The following VAV1 variants were observed in gnomAD, a reference collection of about 807,000 sequenced individuals.
VAV1 encodes vav guanine nucleotide exchange factor 1.
A neutral mutation model predicts 128.1 loss-of-function variants in VAV1; 33 were observed. The observed-to-expected ratio is 0.26, with a 90% CI of 0.20 to 0.34. The LOEUF (loss-of-function observed/expected upper bound fraction) is 0.34. Ranked by LOEUF, VAV1 falls within the 10% of genes least tolerant of loss-of-function variation. The pLI is 1.00. For synonymous variants in VAV1, 394 were observed against 409.8 expected, an observed-to-expected ratio of 0.96 and a Z score of 0.47; for missense variants, 715 against 1,093.7, an observed-to-expected ratio of 0.65 and a Z score of 4.88.
Position 6,826,260 on chromosome 19 carries a change from C to T in VAV1, c.828-352C>T, listed in dbSNP as rs557024284. On this transcript the variant is annotated intron_variant, in intron 8 of 26. Coordinates refer to ENST00000602142, the MANE Select transcript of VAV1 (RefSeq NM_005428.4). The surrounding 1 kb of genome is among the most constrained non-coding windows in gnomAD (Gnocchi z 4.1). ...GGCTGAAGCAGGAGAATCGCTTGAA[C>T]CCGGGAGATGGAGGTTGCACTGAGC... Among the ~76,000 whole-genome samples, 31 of 152,224 alleles carry T rather than the reference C, an allele frequency of 2.0e-4. No homozygotes were observed. The South Asian group carries it at 6.0e-3, about 30-fold the overall frequency.
In VAV1 at chr19:6,822,329, G is replaced by A. The variant is rs1434383608; in HGVS notation, c.558G>A (p.Pro186=). Residue 186 remains proline (P), a splice_region_variant and synonymous_variant, in exon 5 of 27, where the codon CCG becomes CCA. Coordinates refer to ENST00000602142, the MANE Select transcript of VAV1 (RefSeq NM_005428.4). The surrounding 1 kb of genome is among the most constrained non-coding windows in gnomAD (Gnocchi z 5.9). Reference sequence around the variant, plus strand: ...TGCGCTCGGAGCCCGTGTCCATGCCGGTGCGTGACGTGGAGGGTCGGGCCT... The same window carrying A: ...TGCGCTCGGAGCCCGTGTCCATGCCAGTGCGTGACGTGGAGGGTCGGGCCT... ...DLMRSEPVSM[P]PKMTEYDKRC... is the part of the protein sequence containing the mutation. 3.2e-6 allele frequency: 5 copies of A among 1,572,800 alleles called. No homozygotes were observed. The highest frequency in any genetic ancestry group is 1.2e-5 in the South Asian group (1 of 85,710).
chr19:6,804,621 T>C (rs1250746021), intron 1 of VAV1, among the ~76,000 whole-genome samples: 4 of 152,156 alleles, frequency 2.6e-5, no homozygotes, highest in Middle Eastern at 3.4e-3. Flanking sequence ...TTCGCCATGT[T>C]GGCCAGGCTG....
At position 6,829,889 on chromosome 19, in the gene VAV1, G is replaced by C. The variant is rs1972013282; in HGVS notation, c.1369G>C (p.Asp457His). The change falls in exon 14 of 27, where the codon GAC becomes CAC. Residue 457 changes from aspartate to histidine, a missense_variant. By Grantham distance (81) the Asp-to-His change is moderately conservative. Around this residue, in one of 3 missense-constraint regions of VAV1, gnomAD observed 407 missense variants for 580.6 expected, o/e 0.70. Transcript: ENST00000602142. ...VNLHSFQVRDDSSGDRDNKKW... is the reference protein window; with the variant it reads ...VNLHSFQVRDHSSGDRDNKKW... ...CCTGCACAGCTTCCAGGTTCGGGAT[G>C]ACTCTTCAGGAGACCGAGACAACAA... 1.9e-6 allele frequency: 3 copies of C among 1,614,078 alleles called. No individual in the cohort carries two copies. In the African/African-American group the frequency reaches 4.0e-5, roughly 22 times the overall value.
At position 6,820,673 on chromosome 19, in the gene VAV1, C is replaced by T; in HGVS notation, c.205-29C>T. 1 of 1,605,912 alleles carries T rather than the reference C, an allele frequency of 6.2e-7. No homozygotes were observed. The highest frequency in any genetic ancestry group is 8.5e-7 in the Non-Finnish European group (1 of 1,172,692). ...TTTCTCCCCTGCCCTTTCGTACTGC[C>T]CCACCCTCATTTCTCTGTCTCCTCA... On this transcript the variant is annotated intron_variant, in intron 1 of 26. Transcript: ENST00000602142. This position sits in a 1 kb window ranked among gnomAD's most constrained non-coding sequence, Gnocchi z 4.4.
intron 1 of VAV1, among the ~76,000 whole-genome samples, chr19:6,819,510 G>T (rs531917036): frequency 5.3e-5 from 8 of 152,186 alleles, no homozygotes; most frequent in Non-Finnish European, 1.0e-4. Context: ...TGTTTTTAAG[G>T]TTCATCCATG....
chr19:6,802,134 G>C (rs1384684889), intron 1 of VAV1, among the ~76,000 whole-genome samples: 2 of 151,818 alleles, frequency 1.3e-5, no homozygotes, highest in Non-Finnish European at 2.9e-5. Context: ...GGTGGGAATT[G>C]AACAATGAGA....
rs567758626 is a variant in VAV1 at position 6,810,453 on chromosome 19, C to G, written c.205-10249C>G. ...GCACAGTGGTTCATGCCTTTAATCC[C>G]AGCACTTTGAGAGGCAGAGGTGGGT... On this transcript the variant is annotated intron_variant, in intron 1 of 26. Coordinates refer to ENST00000602142, the MANE Select transcript of VAV1 (RefSeq NM_005428.4). Among the ~76,000 whole-genome samples the G allele has an allele frequency of 9.1e-4, 138 of 152,264 alleles. 1 individual carries two copies. The highest frequency in any genetic ancestry group is 3.6e-3 in the Admixed American group (55 of 15,286).
At chr19:6,794,591 G>A (rs1971089827) in intron 1 of VAV1, among the ~76,000 whole-genome samples, 1 of 152,150 alleles carries the variant, frequency 6.6e-6, no homozygotes, top group African/African-American at 2.4e-5. Flanking sequence ...TTCAGAAAGT[G>A]TCATGAATAG....
rs1972225434 is a variant in VAV1 at position 6,836,531 on chromosome 19, A to C, written c.1877A>C (p.Glu626Ala). ...CGGCTCAACCCTGGAGACATTGTGG[A>C]GCTCACGAAGGCTGAGGCTGAACAG... ...FLRLNPGDIV[E>A]LTKAEAEQNW... Residue 626 changes from glutamate to alanine, a missense_variant, in exon 20 of 27, where the codon GAG becomes GCG. By Grantham distance (107) the Glu-to-Ala change is moderately radical. Coordinates refer to ENST00000602142, the MANE Select transcript of VAV1 (RefSeq NM_005428.4). 1 of 1,613,802 alleles carries C rather than the reference A, an allele frequency of 6.2e-7. No individual in the cohort carries two copies. The highest frequency in any genetic ancestry group is 1.1e-5 in the South Asian group (1 of 91,070).
chr19:6,826,340 AAAAT>A lies in VAV1; in HGVS notation c.828-263_828-260del, dbSNP rs1465956459. On this transcript the variant is annotated intron_variant, in intron 8 of 26. Transcript: ENST00000602142. The surrounding 1 kb of genome is among the most constrained non-coding windows in gnomAD (Gnocchi z 4.1). ...GAGACAAGCGTGAAACCCCGTCTCA[AAAAT>A]AAATAAATTAATTAAATTAAATAAA... 1.3e-5 allele frequency among the ~76,000 whole-genome samples: 2 copies of A among 152,218 alleles called. No individual in the cohort carries two copies. The highest frequency in any genetic ancestry group is 4.8e-5 in the African/African-American group (2 of 41,446).
chr19:6,835,618 A>G (rs1972202788), intron 19 of VAV1, among the ~76,000 whole-genome samples: 2 of 152,206 alleles, frequency 1.3e-5, no homozygotes, highest in Admixed American at 1.3e-4. Context: ...TTTTCTATAA[A>G]TAAAATCATA....
intron 1 of VAV1, among the ~76,000 whole-genome samples, chr19:6,779,922 T>A (rs551666697): frequency 1.9e-4 from 29 of 149,282 alleles, no homozygotes; most frequent in African/African-American, 6.3e-4. Context: ...CCATCCTGGC[T>A]AACACGGTGA....
At chr19:6,836,063 G>A (rs1972215086) in intron 19 of VAV1, 1 of 174,122 alleles carries the variant, frequency 5.7e-6, no homozygotes, top group Non-Finnish European at 1.2e-5. Context: ...TAGTAGAGAT[G>A]GGGTTTCACC....
At chr19:6,790,240 G>A (rs549194948) in intron 1 of VAV1, among the ~76,000 whole-genome samples, 12 of 152,224 alleles carry the variant, frequency 7.9e-5, no homozygotes, top group Non-Finnish European at 1.3e-4. Context: ...CTCATTTGAT[G>A]TTATTTTATC....
chr19:6,823,861 G>A (rs889894752), intron 6 of VAV1, among the ~76,000 whole-genome samples: 1 of 152,132 alleles, frequency 6.6e-6, no homozygotes, highest in African/African-American at 2.4e-5. Context: ...GCACACACAA[G>A]ATTATGCAGT....
chr19:6,825,421 G>T lies in VAV1; in HGVS notation c.827+15G>T, dbSNP rs765709658. The T allele has an allele frequency of 1.2e-6, 2 of 1,603,712 alleles. No individual in the cohort carries two copies. Among genetic ancestry groups the T allele is most frequent in the Non-Finnish European group, 1.7e-6 (2 of 1,172,274 alleles). ...TACAAGGAGAGGTGAGACCCAGCTG[G>T]CCAGACTGAAGCTCTGGGGTCACTC... On this transcript the variant is annotated intron_variant, in intron 8 of 26. Transcript: ENST00000602142.
intron 1 of VAV1, among the ~76,000 whole-genome samples, chr19:6,801,335 C>G (rs1971263569): frequency 6.6e-6 from 1 of 152,182 alleles, no homozygotes; most frequent in Non-Finnish European, 1.5e-5. Context: ...TGATCCCATC[C>G]AAGCTCCCTC....
Position 6,820,699 on chromosome 19 carries a change from C to T in VAV1, c.205-3C>T, listed in dbSNP as rs2144767605. On this transcript the variant is annotated splice_polypyrimidine_tract_variant and splice_region_variant and intron_variant, in intron 1 of 26. Transcript: ENST00000602142. The surrounding 1 kb of genome is among the most constrained non-coding windows in gnomAD (Gnocchi z 4.4). ...CCACCCTCATTTCTCTGTCTCCTCACAGTTCCTGTGCCTTAAGAACATTAG... is the reference window on the plus strand; with the variant it reads ...CCACCCTCATTTCTCTGTCTCCTCATAGTTCCTGTGCCTTAAGAACATTAG... 2 of 1,613,882 alleles carry T rather than the reference C, an allele frequency of 1.2e-6. No homozygotes were observed. Among genetic ancestry groups the T allele is most frequent in the Non-Finnish European group, 1.7e-6 (2 of 1,179,770 alleles).
At chr19:6,784,032 T>C (rs1970830431) in intron 1 of VAV1, 1 of 401,886 alleles carries the variant, frequency 2.5e-6, no homozygotes, top group African/African-American at 2.0e-5. Context: ...GACAGGAGGA[T>C]TGCTTGAGGC....
Sources: gnomAD v4.1 joint callset for allele counts (sites outside exome capture counted in the v4.1 genomes callset) on GRCh38, gnomAD v4.1.1 for gene constraint, gnomAD v4.1.1 regional missense constraint, Gnocchi (gnomAD v3.1) non-coding constraint, MANE v1.5 for transcripts, NCBI Gene and HGNC (gene_info 2026-07-23, HGNC 2026-07-21) for gene names.